ITSN1: variants seen among roughly 807,000 people sequenced by gnomAD.
ITSN1 encodes the protein intersectin 1.
In ITSN1, 58 loss-of-function variants were observed where a neutral mutation model predicts 239.8. The observed-to-expected ratio is 0.24, with a 90% CI of 0.20 to 0.30. The LOEUF is 0.30. Ranked by LOEUF, ITSN1 falls within the 10% of genes least tolerant of loss-of-function variation. The pLI is 1.00. For missense variants in ITSN1, 1,558 were observed against 2,103.3 expected (o/e 0.74, Z 5.07); for synonymous variants, 780 against 770.8 (o/e 1.01, Z -0.20).
chr21:33,788,155 A>G (rs1446884826), intron 16 of ITSN1, among the ~76,000 whole-genome samples: 2 of 152,186 alleles, frequency 1.3e-5, no homozygotes, highest in Non-Finnish European at 2.9e-5. Flanking sequence ...ACAAAATGGA[A>G]TCAGTTTTCT....
Position 33,797,283 on chromosome 21 carries a change from C to T in ITSN1, c.1953-96C>T. The stretch of plus-strand genomic sequence containing the variant: ...AACAATGTTCCCTTGATGTTCCCAT[C>T]CCATTTACTGGATGGAGCTTTTTTT... On this transcript the variant is annotated intron_variant, in intron 17 of 39. Coordinates refer to ENST00000381318, the MANE Select transcript of ITSN1 (RefSeq NM_003024.3). This position sits in a 1 kb window ranked among gnomAD's most constrained non-coding sequence, Gnocchi z 4.9. The T allele has an allele frequency of 1.0e-6, 1 of 959,872 alleles. No individual in the cohort carries two copies. 59.5% of individuals were successfully genotyped at this position (959,872 alleles called of 1,614,324 possible).
At chr21:33,724,688 A>G (rs2065709780) in intron 4 of ITSN1, among the ~76,000 whole-genome samples, 1 of 152,246 alleles carries the variant, frequency 6.6e-6, no homozygotes, top group African/African-American at 2.4e-5. Flanking sequence ...ATAGCAATGA[A>G]CAAAATAGAC....
intron 11 of ITSN1, among the ~76,000 whole-genome samples, 199 bp downstream of exon 11, chr21:33,768,027 A>C (rs576846041): frequency 6.6e-6 from 1 of 152,170 alleles, no homozygotes; most frequent in African/African-American, 2.4e-5. Context: ...AACATTATGC[A>C]CTCTGCTAAT....
chr21:33,851,274 C>T (rs1394675715), intron 29 of ITSN1, among the ~76,000 whole-genome samples: 1 of 152,214 alleles, frequency 6.6e-6, no homozygotes, highest in African/African-American at 2.4e-5. Context: ...CCTCCCCAGC[C>T]ATATGGAGAC....
intron 5 of ITSN1, among the ~76,000 whole-genome samples, chr21:33,741,192 G>T (rs1453969717): frequency 6.6e-6 from 1 of 152,082 alleles, no homozygotes; most frequent in Non-Finnish European, 1.5e-5. Context: ...CTGAATGATG[G>T]CTCATGAAAA....
chr21:33,695,003 A>G (rs1194970988), intron 1 of ITSN1, among the ~76,000 whole-genome samples: 2 of 152,030 alleles, frequency 1.3e-5, no homozygotes, highest in Non-Finnish European at 2.9e-5. Context: ...ATTTGTAGAG[A>G]TGAGGTCTTA....
intron 29 of ITSN1, among the ~76,000 whole-genome samples, chr21:33,854,872 G>C (rs1296267713): frequency 1.3e-5 from 2 of 152,116 alleles, no homozygotes; most frequent in East Asian, 3.9e-4. Flanking sequence ...CGAGGGTGTT[G>C]ATATAATGAT....
At chr21:33,683,801 AC>A (rs2091098404) in intron 1 of ITSN1, among the ~76,000 whole-genome samples, 3 of 152,224 alleles carry the variant, frequency 2.0e-5, no homozygotes, top group African/African-American at 7.2e-5. Context: ...GAACTCAGTG[AC>A]CAGTTTTCAT....
chr21:33,858,834 G>T, intron 31 of ITSN1, 42 bp downstream of exon 31: 3 of 1,194,162 alleles, frequency 2.5e-6, no homozygotes, highest in South Asian at 2.5e-5. Flanking sequence ...TGGCCTCCTC[G>T]GCTCTCATGC....
chr21:33,845,511 C>G (rs1366408721), intron 29 of ITSN1, among the ~76,000 whole-genome samples: 1 of 152,026 alleles, frequency 6.6e-6, no homozygotes, highest in East Asian at 1.9e-4. Context: ...GATAAAAGAC[C>G]CGAATCTACT....
chr21:33,686,788 TA>T (rs1341676782), intron 1 of ITSN1, among the ~76,000 whole-genome samples: 2 of 152,230 alleles, frequency 1.3e-5, no homozygotes, highest in African/African-American at 4.8e-5. Context: ...TTACCTGGCA[TA>T]AATTAGAGAA....
At chr21:33,888,034 G>T in intron 39 of ITSN1, 118 bp from the exon 40 acceptor site, 1 of 986,818 alleles carries the variant, frequency 1.0e-6, no homozygotes, top group African/African-American at 1.6e-5. Flanking sequence ...GTTTACATCA[G>T]AGCCCAGAGA....
intron 5 of ITSN1, 87 bp from the exon 6 acceptor site, chr21:33,750,056 T>C: frequency 8.0e-7 from 1 of 1,244,068 alleles, no homozygotes. Context: ...TGGAAAGTGA[T>C]TTTCTTTAAG....
At chr21:33,690,004 C>T (rs2091434484) in intron 1 of ITSN1, among the ~76,000 whole-genome samples, 1 of 150,856 alleles carries the variant, frequency 6.6e-6, no homozygotes, top group Non-Finnish European at 1.5e-5. Flanking sequence ...AAAAATAAGG[C>T]CGGGTGCAGT....
chr21:33,736,679 G>A (rs181362984), intron 5 of ITSN1, among the ~76,000 whole-genome samples: 38 of 152,292 alleles, frequency 2.5e-4, no homozygotes, highest in African/African-American at 7.7e-4. Context: ...GGACCCAGGC[G>A]TTAAAATAAT....
intron 17 of ITSN1, among the ~76,000 whole-genome samples, chr21:33,795,373 C>T (rs775599069): frequency 5.9e-5 from 9 of 152,100 alleles, no homozygotes; most frequent in Non-Finnish European, 8.8e-5. Flanking sequence ...CACTTGAACC[C>T]GGGAGGCGGA....
rs1986623707 is a variant in ITSN1, at chr21:33,895,074, G to C, written c.*6774G>C. On this transcript the variant is annotated 3_prime_UTR_variant, in exon 40 of 40. Transcript: ENST00000381318. ...AATGTGGGCCTGGCAGAGACCGAAGGCTGGGTGGGAAGGAAGCTCGCGGCG... is the reference window on the plus strand; with the variant it reads ...AATGTGGGCCTGGCAGAGACCGAAGCCTGGGTGGGAAGGAAGCTCGCGGCG... 1.3e-5 allele frequency: 2 copies of C among 152,380 alleles called. No individual in the cohort carries two copies. The highest frequency in any genetic ancestry group is 1.3e-4 in the Admixed American group (2 of 15,288). The allele number at this position is 152,380 out of a possible 1,614,324, so 9.4% of individuals were successfully genotyped here.
chr21:33,678,133 G>C lies in ITSN1; in HGVS notation c.-33+35420G>C, dbSNP rs575454345. Among the ~76,000 whole-genome samples the C allele has an allele frequency of 8.5e-5, 13 of 152,110 alleles. No individual in the cohort carries two copies. The South Asian group carries it at 2.7e-3, about 32-fold the overall frequency. On this transcript the variant is annotated intron_variant, in intron 1 of 39. Coordinates refer to ENST00000381318, the MANE Select transcript of ITSN1 (RefSeq NM_003024.3). ...TCTGCACTCCCCTTGTCTGCTTTGC[G>C]GTAGCCTAACATGTCTCTTTCTATC...
At chr21:33,754,681 T>C (rs746691971) in intron 7 of ITSN1, among the ~76,000 whole-genome samples, 2 of 152,218 alleles carry the variant, frequency 1.3e-5, no homozygotes, top group Non-Finnish European at 2.9e-5. Flanking sequence ...GAGATCAGTA[T>C]TGGATTGTAG....
Sources: gnomAD v4.1 joint callset for allele counts (sites outside exome capture counted in the v4.1 genomes callset) on GRCh38, gnomAD v4.1.1 for gene constraint, Gnocchi (gnomAD v3.1) non-coding constraint, MANE v1.5 for transcripts, NCBI Gene and HGNC (gene_info 2026-07-23, HGNC 2026-07-21) for gene names.